MRTFB: variants seen among roughly 807,000 people sequenced by gnomAD.
The protein encoded by MRTFB is myocardin-related transcription factor B.
MRTFB carries 29 observed loss-of-function variants against 104.2 expected under a neutral mutation model. That is an observed-to-expected ratio of 0.28 (90% CI 0.21 to 0.38). The LOEUF is 0.38. Among genes scored for constraint, MRTFB ranks in the 10% least tolerant of loss-of-function variants. The probability of loss-of-function intolerance (pLI) is 1.00; values close to 1 mark genes in which losing one functional copy is unlikely to be tolerated. For missense variants in MRTFB, 1,270 were observed against 1,341.6 expected (o/e 0.95, Z 0.83); for synonymous variants, 535 against 519.5 (o/e 1.03, Z -0.41).
chr16:14,258,067 A>T (rs1485256157), intron 15 of MRTFB, 34 bp from the exon 16 acceptor site: 2 of 1,595,670 alleles, frequency 1.3e-6, no homozygotes, highest in Non-Finnish European at 1.7e-6. Flanking sequence ...GGTTTGTATG[A>T]AAGAAACCTA....
intron 3 of MRTFB, among the ~76,000 whole-genome samples, chr16:14,187,779 T>G (rs1320150683): frequency 6.6e-6 from 1 of 152,214 alleles, no homozygotes; most frequent in East Asian, 1.9e-4. Flanking sequence ...TTTAAGAAAT[T>G]CAGGGTCTAC....
At chr16:14,227,287 AAAAC>A (rs1200156907) in intron 8 of MRTFB, among the ~76,000 whole-genome samples, 1 of 145,196 alleles carries the variant, frequency 6.9e-6, no homozygotes, top group African/African-American at 2.6e-5. Context: ...TAAAAAAACA[AAAAC>A]AAAACAAAAA....
rs776365358 is a variant in MRTFB at position 14,246,718 on chromosome 16, A to G, written c.1458A>G (p.Pro486=). 2 of 1,614,182 alleles carry G rather than the reference A, an allele frequency of 1.2e-6. No individual in the cohort carries two copies. The highest frequency in any genetic ancestry group is 1.7e-6 in the Non-Finnish European group (2 of 1,180,024). ...SSVSTLKAEL[P]PTGTSNATRV... ...TCTCTACTCTCAAGGCAGAATTGCC[A>G]CCTACAGGAACCAGCAACGCAACCC... Residue 486 remains proline (P), a synonymous_variant, in exon 12 of 17, where the codon CCA becomes CCG. Coordinates refer to ENST00000571589, the MANE Select transcript of MRTFB (RefSeq NM_001308142.2).
At chr16:14,229,390 T>G (rs1486446931) in intron 8 of MRTFB, among the ~76,000 whole-genome samples, 1 of 152,250 alleles carries the variant, frequency 6.6e-6, no homozygotes, top group Non-Finnish European at 1.5e-5. Flanking sequence ...AAACAATATT[T>G]AAAGAGTAAT....
At chr16:14,073,157 A>G (rs7200498) in intron 1 of MRTFB, among the ~76,000 whole-genome samples, 44,546 of 152,152 alleles carry the variant, frequency 0.29, 13,563 homozygotes, top group African/African-American at 0.77. Context: ...GCAATTTCTT[A>G]TAAAAACTTT....
chr16:14,124,042 A>G (rs2036983835), intron 2 of MRTFB, among the ~76,000 whole-genome samples: 1 of 152,140 alleles, frequency 6.6e-6, no homozygotes, highest in Non-Finnish European at 1.5e-5. Flanking sequence ...TGTGAATGGG[A>G]GTTCACTCAT....
At chr16:14,058,724 T>G in the MRTFB span, among the ~76,000 whole-genome samples, 3 of 139,902 alleles carry the variant, frequency 2.1e-5, no homozygotes, top group East Asian at 2.0e-4. Flanking sequence ...TTTTTTTTTT[T>G]TTTTTTTTTT....
At chr16:14,231,483 C>G (rs530565952) in intron 8 of MRTFB, among the ~76,000 whole-genome samples, 1 of 152,032 alleles carries the variant, frequency 6.6e-6, no homozygotes, top group African/African-American at 2.4e-5. Context: ...TTTTGTCACC[C>G]AGGTACTAAG....
At chr16:14,106,171 A>T (rs146237451) in intron 2 of MRTFB, among the ~76,000 whole-genome samples, 1 of 152,314 alleles carries the variant, frequency 6.6e-6, no homozygotes, top group East Asian at 1.9e-4. Flanking sequence ...TGGAGCTCAG[A>T]TTCTCCTGGT....
intron 7 of MRTFB, 90 bp from the exon 8 acceptor site, chr16:14,218,730 T>G: frequency 7.5e-7 from 1 of 1,340,840 alleles, no homozygotes. Flanking sequence ...CTTCATAAAT[T>G]TTCATAGGAA....
At chr16:14,244,034 C>G (rs537179854) in intron 10 of MRTFB, among the ~76,000 whole-genome samples, 1 of 151,962 alleles carries the variant, frequency 6.6e-6, no homozygotes, top group East Asian at 1.9e-4. Context: ...CCCGCCACCA[C>G]GCCTGGCTAA....
chr16:14,205,299 G>A (rs1331337609), intron 3 of MRTFB, among the ~76,000 whole-genome samples: 4 of 152,160 alleles, frequency 2.6e-5, no homozygotes, highest in South Asian at 2.1e-4. Flanking sequence ...ACCCAGGCTA[G>A]TTAGGAAAGA....
intron 3 of MRTFB, among the ~76,000 whole-genome samples, chr16:14,161,685 A>G (rs1049987137): frequency 3.9e-5 from 6 of 152,186 alleles, no homozygotes; most frequent in African/African-American, 1.2e-4. Context: ...CTCAATATAT[A>G]TATTGAACAG....
intron 15 of MRTFB, among the ~76,000 whole-genome samples, chr16:14,253,906 C>G (rs897394666): frequency 6.6e-6 from 1 of 152,242 alleles, no homozygotes; most frequent in African/African-American, 2.4e-5. Flanking sequence ...GGACTACACT[C>G]CTCCCTCATG....
At chr16:14,120,288 A>G (rs962716315) in intron 2 of MRTFB, among the ~76,000 whole-genome samples, 1 of 152,170 alleles carries the variant, frequency 6.6e-6, no homozygotes, top group African/African-American at 2.4e-5. Context: ...CCAGTTTCAC[A>G]TTATAATCAA....
At chr16:14,156,341 G>A (rs1247300484) in intron 3 of MRTFB, among the ~76,000 whole-genome samples, 1 of 152,166 alleles carries the variant, frequency 6.6e-6, no homozygotes, top group East Asian at 1.9e-4. Context: ...TTCTGACTAG[G>A]ACTACAGTAG....
chr16:14,074,424 A>G (rs2033912730), intron 1 of MRTFB, among the ~76,000 whole-genome samples: 1 of 152,194 alleles, frequency 6.6e-6, no homozygotes. Flanking sequence ...TTGAATGGAC[A>G]AAAGTTCATG....
chr16:14,215,214 A>G (rs983268726), intron 6 of MRTFB, among the ~76,000 whole-genome samples: 1 of 152,226 alleles, frequency 6.6e-6, no homozygotes, highest in East Asian at 1.9e-4. Context: ...CCCACCATTT[A>G]AAAATTTAAC....
chr16:14,237,533 A>G (rs2042575055), intron 9 of MRTFB, among the ~76,000 whole-genome samples: 1 of 152,230 alleles, frequency 6.6e-6, no homozygotes, highest in Admixed American at 6.5e-5. Context: ...TGGAGATGGT[A>G]TTATAGAAAG....
Sources: allele counts gnomAD v4.1 joint callset (sites outside exome capture counted in the v4.1 genomes callset), GRCh38; gene constraint gnomAD v4.1.1; transcripts MANE v1.5; gene names NCBI Gene and HGNC (gene_info 2026-07-23, HGNC 2026-07-21).